The following ANK3 variants were observed in gnomAD, a reference collection of about 807,000 sequenced individuals.
ANK3 encodes ankyrin-3.
ANK3 carries 57 observed loss-of-function variants against 370.9 expected under a neutral mutation model. The ratio of observed to expected loss-of-function variants is 0.15; its 90% CI spans 0.12 to 0.19. The LOEUF (loss-of-function observed/expected upper bound fraction) is 0.19, where lower values mean the gene tolerates loss of function less well. Ranked by LOEUF, ANK3 falls within the 10% of genes least tolerant of loss-of-function variation. The probability of loss-of-function intolerance (pLI) is 1.00; values close to 1 mark genes in which losing one functional copy is unlikely to be tolerated. For missense variants in ANK3, 4,439 were observed against 5,302.1 expected (o/e 0.84, Z 5.06); for synonymous variants, 1,929 against 1,946.3 (o/e 0.99, Z 0.23).
chr10:60,140,899 A>G, intron 23 of ANK3: 1 of 985,932 alleles, frequency 1.0e-6, no homozygotes, highest in Non-Finnish European at 1.2e-6. Flanking sequence ...TTCTTCTCAA[A>G]TATGAATGAA....
chr10:60,574,232 G>C lies in ANK3; in HGVS notation c.96+40954C>G, dbSNP rs201636915. On this transcript the variant is annotated intron_variant, in intron 2 of 43. Transcript: ENST00000373827. ...CAGTCCCAGAGAAAGACATGAGTTA[G>C]AGGGATGCTTAGATGCTTTACCCAG... Among the ~76,000 whole-genome samples, 11 of 152,322 alleles carry C rather than the reference G, an allele frequency of 7.2e-5. No individual in the cohort carries two copies. In the East Asian group the frequency reaches 1.5e-3, roughly 21 times the overall value.
At chr10:60,293,736 C>A (rs549308002) in intron 1 of ANK3, among the ~76,000 whole-genome samples, 4 of 152,292 alleles carry the variant, frequency 2.6e-5, no homozygotes, top group South Asian at 2.1e-4. Flanking sequence ...TGGCAGTCTG[C>A]GGAGATCCTT....
chr10:60,602,230 T>C (rs557835846), intron 2 of ANK3, among the ~76,000 whole-genome samples: 3 of 152,290 alleles, frequency 2.0e-5, no homozygotes, highest in Admixed American at 1.3e-4. Context: ...TACTAATGTG[T>C]TGGGCATTTC....
chr10:60,086,977 C>A (rs372359938), intron 29 of ANK3, 93 bp from the exon 30 acceptor site: 16,081 of 137,054 alleles, frequency 0.12, 1 homozygote, highest in Non-Finnish European at 0.13. Context: ...AGGAAAAAAA[C>A]AAAAACAGAC....
In ANK3 at chr10:60,677,521, T is replaced by C. The variant is rs535859571; in HGVS notation, c.57+55742A>G. ...AAAAAAACTGATTTTAAGTATGTCA[T>C]TTAGTTTTCCTACTCTAATAAGCAG... On this transcript the variant is annotated intron_variant, in intron 1 of 43. Coordinates refer to the ANK3 transcript ENST00000373827. Among the ~76,000 whole-genome samples, 8 of 152,158 alleles carry C rather than the reference T, an allele frequency of 5.3e-5. No homozygotes were observed. The South Asian group carries it at 1.5e-3, about 28-fold the overall frequency.
At chr10:60,582,539 G>T (rs1324341421) in intron 2 of ANK3, among the ~76,000 whole-genome samples, 1 of 151,804 alleles carries the variant, frequency 6.6e-6, no homozygotes, top group Non-Finnish European at 1.5e-5. Flanking sequence ...AAGAGGCCAA[G>T]GTCACCAAGG....
At chr10:60,710,347 T>C (rs1027345605) in intron 1 of ANK3, among the ~76,000 whole-genome samples, 2 of 152,182 alleles carry the variant, frequency 1.3e-5, no homozygotes, top group African/African-American at 4.8e-5. Context: ...TAGGATTTAA[T>C]ACTGCATCTT....
At chr10:60,432,795 G>A (rs1035234134) in intron 2 of ANK3, among the ~76,000 whole-genome samples, 1 of 152,156 alleles carries the variant, frequency 6.6e-6, no homozygotes, top group African/African-American at 2.4e-5. Context: ...GTAATGAGGA[G>A]AGCATGACAA....
intron 1 of ANK3, among the ~76,000 whole-genome samples, chr10:60,318,268 T>C (rs1182745716): frequency 6.6e-6 from 1 of 152,174 alleles, no homozygotes; most frequent in African/African-American, 2.4e-5. Flanking sequence ...TAAATAATAG[T>C]TTTTCAATTA....
chr10:60,240,281 C>CATATATATATAT (rs35855721), intron 7 of ANK3, among the ~76,000 whole-genome samples: 5 of 88,350 alleles, frequency 5.7e-5, no homozygotes, highest in South Asian at 3.5e-4. Context: ...TACACACACA[C>CATATATATATAT]ATATATATAT....
intron 1 of ANK3, among the ~76,000 whole-genome samples, chr10:60,299,712 G>A (rs886954344): frequency 1.3e-5 from 2 of 152,210 alleles, no homozygotes; most frequent in African/African-American, 4.8e-5. Context: ...TCCCTTAAGG[G>A]GGAGATGGCT....
intron 8 of ANK3, among the ~76,000 whole-genome samples, chr10:60,215,098 TTC>T (rs1414155572): frequency 3.9e-5 from 6 of 152,232 alleles, no homozygotes; most frequent in African/African-American, 1.4e-4. Flanking sequence ...TGATTTGCAT[TTC>T]TCTGATGATC....
intron 5 of ANK3, 117 bp from the exon 6 acceptor site, chr10:60,264,137 A>G (rs1457876519): frequency 2.5e-6 from 2 of 786,980 alleles, no homozygotes; most frequent in African/African-American, 3.5e-5. Context: ...GGATTATTAA[A>G]ACTAACAACA....
chr10:60,422,023 G>A (rs536850600), intron 2 of ANK3, among the ~76,000 whole-genome samples: 2 of 152,050 alleles, frequency 1.3e-5, no homozygotes. Flanking sequence ...TTAGACAAAA[G>A]TTCAAATCAG....
At chr10:60,223,485 A>C (rs1460169850) in intron 8 of ANK3, among the ~76,000 whole-genome samples, 1 of 152,214 alleles carries the variant, frequency 6.6e-6, no homozygotes, top group East Asian at 1.9e-4. Flanking sequence ...CAAGATTACC[A>C]GCTTAAGGGA....
chr10:60,113,571 A>C (rs921041874), intron 26 of ANK3, among the ~76,000 whole-genome samples: 1 of 152,176 alleles, frequency 6.6e-6, no homozygotes, highest in Non-Finnish European at 1.5e-5. Flanking sequence ...TTATCCGAGC[A>C]TGGTGGTGCA....
chr10:60,480,849 C>G (rs533768794), intron 2 of ANK3, among the ~76,000 whole-genome samples: 6 of 152,248 alleles, frequency 3.9e-5, no homozygotes, highest in African/African-American at 1.4e-4. Context: ...GTTAATTTTC[C>G]TTTGGGCAGC....
At chr10:60,254,061 C>T (rs757628119) in intron 7 of ANK3, among the ~76,000 whole-genome samples, 8 of 152,086 alleles carry the variant, frequency 5.3e-5, no homozygotes, top group Non-Finnish European at 8.8e-5. Flanking sequence ...CCCATGGATG[C>T]TCAAGTCCCT....
At chr10:60,437,776 CT>C (rs1397257057) in intron 2 of ANK3, among the ~76,000 whole-genome samples, 1 of 152,140 alleles carries the variant, frequency 6.6e-6, no homozygotes, top group African/African-American at 2.4e-5. Flanking sequence ...CACATTAGAT[CT>C]TTTCACCCTA....
Sources: gnomAD v4.1 joint callset for allele counts (sites outside exome capture counted in the v4.1 genomes callset) on GRCh38, gnomAD v4.1.1 for gene constraint, MANE v1.5 for transcripts, NCBI Gene and HGNC (gene_info 2026-07-23, HGNC 2026-07-21) for gene names.